Variants in OTOA observed in about 807,000 individuals in gnomAD.
OTOA encodes otoancorin.
OTOA carries 70 observed loss-of-function variants against 110.8 expected under a neutral mutation model. The observed-to-expected ratio is 0.63, with a 90% confidence interval of 0.52 to 0.77. The LOEUF is 0.77. Among genes scored for constraint, OTOA ranks in the 30% least tolerant of loss-of-function variants. The pLI, the probability that OTOA is intolerant of heterozygous loss-of-function variation, is 0.00. For synonymous variants in OTOA, 373 were observed against 431.5 expected (o/e 0.86, Z 1.68); for missense variants, 917 against 1,075.8 (o/e 0.85, Z 2.06).
intron 8 of OTOA, among the ~76,000 whole-genome samples, chr16:21,689,992 T>C (rs1487559229): frequency 3.9e-5 from 6 of 152,026 alleles, no homozygotes; most frequent in African/African-American, 1.4e-4. Context: ...GGCCCAATTG[T>C]GTACTTTAAA....
chr16:21,717,593 G>C (rs376508735), intron 15 of OTOA, among the ~76,000 whole-genome samples: 1 of 152,156 alleles, frequency 6.6e-6, no homozygotes. Context: ...CATGCCACCT[G>C]GGCTGTGTAC....
At chr16:21,671,586 CAAA>C (rs369010025) in intron 1 of OTOA, among the ~76,000 whole-genome samples, 4 of 78,506 alleles carry the variant, frequency 5.1e-5, no homozygotes, top group Admixed American at 1.7e-4. Context: ...GACTCCATAT[CAAA>C]AAAAAAAAAA....
intron 1 of OTOA, among the ~76,000 whole-genome samples, chr16:21,664,996 A>G (rs778860249): frequency 6.6e-6 from 1 of 151,636 alleles, no homozygotes; most frequent in African/African-American, 2.4e-5. Flanking sequence ...AAATAAATAA[A>G]TAAATAAATA....
At position 21,714,306 on chromosome 16, in the gene OTOA, TTCCTTC is replaced by T. The variant is rs1567384201; in HGVS notation, c.1321-678_1321-673del. ...TCCTTTCTTTCTTTTCCTTTCTTCC[TTCCTTC>T]CTTCCTTCCTTCCTTCCTTCCTTTC... On this transcript the variant is annotated intron_variant, in intron 13 of 28. Coordinates refer to ENST00000646100, the MANE Select transcript of OTOA (RefSeq NM_144672.4). Among the ~76,000 whole-genome samples, 10 of 127,868 alleles carry T rather than the reference TTCCTTC, an allele frequency of 7.8e-5. No individual in the cohort carries two copies. The East Asian group carries it at 8.4e-4, about 11-fold the overall frequency. The allele number at this position is 127,868 out of a possible 152,430, so 83.9% of individuals were successfully genotyped here.
intron 13 of OTOA, among the ~76,000 whole-genome samples, chr16:21,714,460 C>CTCTCTTCT (rs1555499806): frequency 7.2e-6 from 1 of 137,940 alleles, no homozygotes; most frequent in South Asian, 2.3e-4. Flanking sequence ...CTCTCTCTCT[C>CTCTCTTCT]TTCTTTCTTT....
In OTOA at chr16:21,678,679, G is replaced by A; in HGVS notation, c.91+74G>A. The A allele has an allele frequency of 3.7e-6, 5 of 1,356,516 alleles. No individual in the cohort carries two copies. In the South Asian group the frequency reaches 5.9e-5, roughly 16 times the overall value. The allele number at this position is 1,356,516 out of a possible 1,614,324, so 84.0% of individuals were successfully genotyped here. The stretch of plus-strand genomic sequence containing the variant: ...GGAATGAGGTGGGATAGATACATTA[G>A]GTACATGATGCTGTAAGTTGTTTTT... On this transcript the variant is annotated intron_variant, in intron 2 of 28. Coordinates refer to ENST00000646100, the MANE Select transcript of OTOA (RefSeq NM_144672.4).
rs752872020 is a variant in OTOA at position 21,728,385 on chromosome 16, C to A, written c.2161C>A (p.Pro721Thr). 6.2e-7 allele frequency: 1 copy of A among 1,614,128 alleles called. No homozygotes were observed. Residue 721 changes from proline to threonine, a missense_variant, in exon 20 of 29, where the codon CCT becomes ACT. By Grantham distance (38) the Pro-to-Thr change is conservative. Transcript: ENST00000646100. ...HGLRDCPDLNPEQKAAVRLKL... is the reference protein window; with the variant it reads ...HGLRDCPDLNTEQKAAVRLKL... ...CCTCAGAGACTGCCCAGACCTCAAC[C>A]CTGAGCAAAAGGCTGCAGTGAGGCT...
intron 6 of OTOA, 59 bp from the exon 7 acceptor site, chr16:21,685,171 C>G (rs904200044): frequency 4.0e-5 from 64 of 1,599,740 alleles, no homozygotes; most frequent in Non-Finnish European, 5.4e-5. Context: ...GGCCATGGTG[C>G]TGACCATGTG....
chr16:21,720,685 C>G (rs935351990), intron 17 of OTOA, among the ~76,000 whole-genome samples: 1 of 152,066 alleles, frequency 6.6e-6, no homozygotes, highest in Non-Finnish European at 1.5e-5. Flanking sequence ...CTGGTACAAA[C>G]CACTGAACTA....
chr16:21,714,558 C>T (rs2141696906), intron 13 of OTOA, among the ~76,000 whole-genome samples: 1 of 150,924 alleles, frequency 6.6e-6, no homozygotes, highest in Admixed American at 6.7e-5. Flanking sequence ...GTTGCCCAGT[C>T]TGGAGTGCAA....
chr16:21,725,420 A>C (rs1415881403), intron 18 of OTOA, among the ~76,000 whole-genome samples: 1 of 151,852 alleles, frequency 6.6e-6, no homozygotes, highest in East Asian at 1.9e-4. Flanking sequence ...GAGTAGTTGA[A>C]ACCCCAGGTG....
At chr16:21,728,104 A>T (rs1898981406) in intron 19 of OTOA, 137 bp from the exon 20 acceptor site, 1 of 1,056,704 alleles carries the variant, frequency 9.5e-7, no homozygotes, top group African/African-American at 1.6e-5. Context: ...GCCTCAAATG[A>T]TCTGTCTGCC....
rs367970162 is a variant in OTOA, at chr16:21,700,868, C to G, written c.841-20C>G. 4.3e-6 allele frequency: 7 copies of G among 1,613,756 alleles called. No individual in the cohort carries two copies. In the South Asian group the frequency reaches 6.6e-5, roughly 15 times the overall value. On this transcript the variant is annotated intron_variant, in intron 10 of 28. Transcript: ENST00000646100. ...CTTCCACCCTCCTCACTGATATTCT[C>G]GTCCTTGTCCACCAACTAGATTGGG...
chr16:21,696,913 T>A (rs1307805770), intron 9 of OTOA, among the ~76,000 whole-genome samples: 1 of 151,550 alleles, frequency 6.6e-6, no homozygotes, highest in Non-Finnish European at 1.5e-5. Flanking sequence ...ATTACTTTTT[T>A]AAAGAGACAG....
chr16:21,669,201 G>A (rs772937324), intron 1 of OTOA, among the ~76,000 whole-genome samples: 4 of 151,862 alleles, frequency 2.6e-5, no homozygotes, highest in African/African-American at 7.2e-5. Context: ...AAAATTAGCC[G>A]GTGCGGTGGC....
chr16:21,692,739 C>T (rs1011003273), intron 9 of OTOA, among the ~76,000 whole-genome samples: 2 of 151,532 alleles, frequency 1.3e-5, no homozygotes, highest in Admixed American at 6.6e-5. Context: ...CCAGCCTGGC[C>T]AACATGGTGA....
intron 19 of OTOA, 91 bp from the exon 20 acceptor site, chr16:21,728,150 C>A: frequency 6.6e-7 from 1 of 1,524,278 alleles, no homozygotes; most frequent in Non-Finnish European, 9.1e-7. Flanking sequence ...TAGGCATAAG[C>A]CACAGTGCCC....
intron 1 of OTOA, among the ~76,000 whole-genome samples, chr16:21,665,823 G>C (rs978515217): frequency 5.3e-5 from 8 of 151,688 alleles, no homozygotes; most frequent in African/African-American, 1.9e-4. Flanking sequence ...CCATCCCCTT[G>C]ACTGCTTGAA....
intron 11 of OTOA, among the ~76,000 whole-genome samples, chr16:21,704,100 C>T (rs957300160): frequency 4.6e-5 from 7 of 152,082 alleles, no homozygotes; most frequent in African/African-American, 1.7e-4. Flanking sequence ...CTGCAGTAGG[C>T]CTGAATCAAT....
Sources: allele counts gnomAD v4.1 joint callset (sites outside exome capture counted in the v4.1 genomes callset), GRCh38; gene constraint gnomAD v4.1.1; transcripts MANE v1.5; gene names NCBI Gene and HGNC (gene_info 2026-07-23, HGNC 2026-07-21).